Variants in RHOJ observed in about 807,000 individuals in gnomAD.
RHOJ encodes ras homolog family member J.
Under a neutral mutation model 23.4 loss-of-function variants are expected in RHOJ, and 11 were observed. The ratio of observed to expected loss-of-function variants is 0.47; its 90% CI spans 0.30 to 0.78. The LOEUF is 0.78. Ranked by LOEUF, RHOJ falls within the 30% of genes least tolerant of loss-of-function variation. The pLI is 0.08. For synonymous variants in RHOJ, 102 were observed against 102.7 expected (o/e 0.99, Z 0.04); for missense variants, 254 against 273.4 (o/e 0.93, Z 0.50).
chr14:63,274,958 C>G (rs892464243), intron 2 of RHOJ, among the ~76,000 whole-genome samples: 1 of 152,154 alleles, frequency 6.6e-6, no homozygotes, highest in Non-Finnish European at 1.5e-5. Context: ...AATTCTATTT[C>G]CAAATTAATG....
rs533537477 is a variant in RHOJ at position 63,234,126 on chromosome 14, T to G, written c.178+29079T>G. On this transcript the variant is annotated intron_variant, in intron 1 of 4. Coordinates refer to ENST00000316754, the MANE Select transcript of RHOJ (RefSeq NM_020663.5). The stretch of plus-strand genomic sequence containing the variant: ...ACATCTTTTAATACACAACTCAAAC[T>G]TTACCTCCTTCTTGAAAGCTTCTCT... Among the ~76,000 whole-genome samples the G allele has an allele frequency of 1.4e-4, 21 of 152,332 alleles. No individual in the cohort carries two copies. The South Asian group carries it at 3.9e-3, about 29-fold the overall frequency.
At chr14:63,215,267 G>C (rs2139731247) in intron 1 of RHOJ, among the ~76,000 whole-genome samples, 1 of 146,302 alleles carries the variant, frequency 6.8e-6, no homozygotes, top group Admixed American at 6.9e-5. Flanking sequence ...CAGATCTTTT[G>C]TAACCAGAAC....
intron 1 of RHOJ, among the ~76,000 whole-genome samples, chr14:63,207,778 C>T (rs1348409181): frequency 2.0e-5 from 3 of 152,280 alleles, no homozygotes; most frequent in Non-Finnish European, 2.9e-5. Flanking sequence ...CTCTCTGTGC[C>T]TCAGTTATCA....
intron 1 of RHOJ, among the ~76,000 whole-genome samples, chr14:63,266,992 C>T (rs534099749): frequency 6.6e-6 from 1 of 152,344 alleles, no homozygotes; most frequent in South Asian, 2.1e-4. Flanking sequence ...ACCCCTGACA[C>T]AGCTCATGCC....
At chr14:63,205,456 C>T (rs1894088345) in intron 1 of RHOJ, among the ~76,000 whole-genome samples, 1 of 152,130 alleles carries the variant, frequency 6.6e-6, no homozygotes, top group South Asian at 2.1e-4. Context: ...ATTGTTCTTG[C>T]CGCTCTTTGC....
In RHOJ at chr14:63,275,847, C is replaced by A. The variant is rs181403112; in HGVS notation, c.238-5124C>A. ...GTTACCATCTAACCCAGGGCCAAAG[C>A]ATGCTCCCTTGTGAAAAAATATTAA... On this transcript the variant is annotated intron_variant, in intron 2 of 4. Coordinates refer to ENST00000316754, the MANE Select transcript of RHOJ (RefSeq NM_020663.5). Among the ~76,000 whole-genome samples the A allele has an allele frequency of 3.7e-3, 556 of 152,310 alleles. 6 individuals are homozygous for A. The highest frequency in any genetic ancestry group is 0.01 in the Middle Eastern group (3 of 294).
rs1882297448 is a variant in RHOJ at position 63,292,993 on chromosome 14, C to G, written c.*1969C>G. ...CTACATTTCAAGTACTATTTCCCTT[C>G]TCTCCCATCTAATTGCTAAAGATTT... On this transcript the variant is annotated 3_prime_UTR_variant, in exon 5 of 5. Coordinates refer to ENST00000316754, the MANE Select transcript of RHOJ (RefSeq NM_020663.5). The G allele has an allele frequency of 6.6e-6, 1 of 151,030 alleles. No individual in the cohort carries two copies. The highest frequency in any genetic ancestry group is 2.4e-5 in the African/African-American group (1 of 41,036). 9.4% of individuals were successfully genotyped at this position (151,030 alleles called of 1,614,324 possible). A position where few individuals can be genotyped will look rare whatever the true frequency, so the allele number is the denominator to read the frequency against.
chr14:63,292,611 AG>A lies in RHOJ; in HGVS notation c.*1588del, dbSNP rs1272594451. The stretch of plus-strand genomic sequence containing the variant: ...GATTCAAGCTCCCACTGTTGGAAAA[AG>A]CCAGCCTTTCTAATCTCTTCTGCTA... On this transcript the variant is annotated 3_prime_UTR_variant, in exon 5 of 5. Coordinates refer to ENST00000316754, the MANE Select transcript of RHOJ (RefSeq NM_020663.5). 1 of 152,112 alleles carries A rather than the reference AG, an allele frequency of 6.6e-6. No homozygotes were observed. The highest frequency in any genetic ancestry group is 1.9e-4 in the East Asian group (1 of 5,186). The allele number at this position is 152,112 out of a possible 1,614,324, so 9.4% of individuals were successfully genotyped here.
chr14:63,268,351 C>A (rs146142695), intron 1 of RHOJ, among the ~76,000 whole-genome samples: 16 of 152,222 alleles, frequency 1.1e-4, no homozygotes, highest in South Asian at 8.3e-4. Context: ...TGGTTGCTGT[C>A]CCTGTTTTCC....
At chr14:63,228,871 C>T (rs1894641694) in intron 1 of RHOJ, among the ~76,000 whole-genome samples, 1 of 152,224 alleles carries the variant, frequency 6.6e-6, no homozygotes, top group Non-Finnish European at 1.5e-5. Flanking sequence ...CTCATGGCAG[C>T]ATTACCTTCC....
intron 2 of RHOJ, among the ~76,000 whole-genome samples, chr14:63,274,020 C>G (rs761430626): frequency 6.6e-6 from 1 of 152,222 alleles, no homozygotes; most frequent in Non-Finnish European, 1.5e-5. Flanking sequence ...TCGCCCAGGG[C>G]TGCTTGTTGC....
intron 2 of RHOJ, among the ~76,000 whole-genome samples, chr14:63,275,018 G>T (rs996193732): frequency 5.9e-5 from 9 of 152,158 alleles, no homozygotes; most frequent in Non-Finnish European, 8.8e-5. Context: ...GCTGCTCAAA[G>T]TGTGGCCCCT....
intron 1 of RHOJ, among the ~76,000 whole-genome samples, chr14:63,214,512 C>T (rs566453403): frequency 2.0e-5 from 3 of 152,206 alleles, no homozygotes; most frequent in African/African-American, 2.4e-5. Flanking sequence ...TCCAGCAGAT[C>T]GTATCAAACA....
At chr14:63,207,673 A>G (rs1190176163) in intron 1 of RHOJ, among the ~76,000 whole-genome samples, 1 of 152,214 alleles carries the variant, frequency 6.6e-6, no homozygotes, top group African/African-American at 2.4e-5. Context: ...TGGAAATACA[A>G]CCTACTGTGC....
At chr14:63,288,103 G>C in intron 4 of RHOJ, 2 of 872,426 alleles carry the variant, frequency 2.3e-6, no homozygotes, top group Non-Finnish European at 2.8e-6. Flanking sequence ...ATAATCTGAT[G>C]ACTACTTTTT....
chr14:63,267,960 A>G (rs1169064607), intron 1 of RHOJ, among the ~76,000 whole-genome samples: 1 of 152,232 alleles, frequency 6.6e-6, no homozygotes, highest in African/African-American at 2.4e-5. Context: ...CCTTGTATAC[A>G]TGTAGCCCAT....
rs564088714 is a variant in RHOJ, at chr14:63,274,593, G to A, written c.237+5425G>A. On this transcript the variant is annotated intron_variant, in intron 2 of 4. Coordinates refer to ENST00000316754, the MANE Select transcript of RHOJ (RefSeq NM_020663.5). ...GCAGCTGTTGTTGATATGGGCTGGA[G>A]GACGGACTCTTTTACTGGATCATTA... 3.9e-4 allele frequency among the ~76,000 whole-genome samples: 59 copies of A among 152,296 alleles called. 1 individual carries two copies. The South Asian group carries it at 0.012, about 31-fold the overall frequency.
chr14:63,281,254 C>T (rs137943517), intron 3 of RHOJ, 119 bp downstream of exon 3: 1 of 958,016 alleles, frequency 1.0e-6, no homozygotes, highest in African/African-American at 1.7e-5. Flanking sequence ...ACATGTCAAT[C>T]CTATGAACAG....
Position 63,204,902 on chromosome 14 carries a change from C to T in RHOJ, c.33C>T (p.Cys11=). 1 of 1,613,924 alleles carries T rather than the reference C, an allele frequency of 6.2e-7. No homozygotes were observed. The highest frequency in any genetic ancestry group is 8.5e-7 in the Non-Finnish European group (1 of 1,179,920). The change falls in exon 1 of 5, where the codon TGC becomes TGT. Residue 11 remains cysteine (C), a synonymous_variant. Coordinates refer to ENST00000316754, the MANE Select transcript of RHOJ (RefSeq NM_020663.5). The part of the protein sequence containing the change: MNCKEGTDSS[C]GCRGNDEKKM... ...GCAAAGAGGGAACTGACAGCAGCTG[C>T]GGCTGCAGGGGCAACGACGAGAAGA... is the stretch of plus-strand genomic sequence containing the variant.
Sources: gnomAD v4.1 joint callset for allele counts (sites outside exome capture counted in the v4.1 genomes callset) on GRCh38, gnomAD v4.1.1 for gene constraint, MANE v1.5 for transcripts, NCBI Gene and HGNC (gene_info 2026-07-23, HGNC 2026-07-21) for gene names.